The following SLC12A8 variants were observed in gnomAD, a reference collection of about 807,000 sequenced individuals.
SLC12A8 encodes the protein cation-chloride cotransporter 9.
Under a neutral mutation model 75.6 loss-of-function variants are expected in SLC12A8, and 69 were observed. That is an observed-to-expected ratio of 0.91 (90% CI 0.75 to 1.11). The LOEUF is 1.11. Among genes scored for constraint, SLC12A8 ranks in the 50% most tolerant of loss-of-function variants. The pLI is 0.00. For missense variants in SLC12A8, 877 were observed against 896.7 expected (o/e 0.98, Z 0.28); for synonymous variants, 365 against 372.8 (o/e 0.98, Z 0.24).
At chr3:125,142,612 T>C (rs1040389671) in intron 5 of SLC12A8, among the ~76,000 whole-genome samples, 1 of 152,220 alleles carries the variant, frequency 6.6e-6, no homozygotes, top group African/African-American at 2.4e-5. Context: ...GAGGACTCAC[T>C]GTGGGACTGT....
intron 5 of SLC12A8, among the ~76,000 whole-genome samples, chr3:125,169,559 G>A (rs573794713): frequency 2.4e-4 from 36 of 152,238 alleles, no homozygotes; most frequent in Non-Finnish European, 5.0e-4. Flanking sequence ...GGTGTGCCAG[G>A]GGAAAGCATC....
At chr3:125,152,693 T>C (rs1238385230) in intron 5 of SLC12A8, among the ~76,000 whole-genome samples, 2 of 152,132 alleles carry the variant, frequency 1.3e-5, no homozygotes, top group Non-Finnish European at 2.9e-5. Context: ...TTTCTAATCC[T>C]TTAAAAAACA....
chr3:125,182,655 C>T (rs1934690414), intron 4 of SLC12A8, among the ~76,000 whole-genome samples: 1 of 140,806 alleles, frequency 7.1e-6, no homozygotes, highest in Admixed American at 7.1e-5. Flanking sequence ...TACAGGTGTG[C>T]ATCACCACGC....
At chr3:125,114,979 G>A (rs1939273443) in intron 8 of SLC12A8, among the ~76,000 whole-genome samples, 1 of 152,130 alleles carries the variant, frequency 6.6e-6, no homozygotes, top group Non-Finnish European at 1.5e-5. Context: ...TATTAAATAT[G>A]GTGGATTTGT....
chr3:125,106,215 T>C (rs1939018649), intron 10 of SLC12A8, among the ~76,000 whole-genome samples: 1 of 152,156 alleles, frequency 6.6e-6, no homozygotes, highest in South Asian at 2.1e-4. Context: ...TAATATTATT[T>C]GGCTTATTAA....
At chr3:125,119,752 T>C in intron 7 of SLC12A8, 1 of 421,654 alleles carries the variant, frequency 2.4e-6, no homozygotes, top group South Asian at 1.7e-5. Context: ...ATTCAGTGTT[T>C]GTGAAACAGA....
Position 125,092,163 on chromosome 3 carries a change from C to T in SLC12A8, c.1741G>A (p.Val581Ile), listed in dbSNP as rs760264186. Residue 581 changes from valine to isoleucine, a missense_variant, in exon 11 of 14, where the codon GTC becomes ATC. Val to Ile is a conservative substitution (Grantham distance 29). Transcript: ENST00000469902. ...FLKSRLQEQD[V>I]WRRSTSFYTH... Reference sequence around the variant, plus strand: ...TAGAAAGAAGTGGATCTTCTCCAGACATCTTGTTCTTGGAGCCTGGACTTC... The same window carrying T: ...TAGAAAGAAGTGGATCTTCTCCAGATATCTTGTTCTTGGAGCCTGGACTTC... The T allele has an allele frequency of 6.2e-7, 1 of 1,613,014 alleles. No individual in the cohort carries two copies. Among genetic ancestry groups the T allele is most frequent in the Non-Finnish European group, 8.5e-7 (1 of 1,179,168 alleles).
intron 5 of SLC12A8, among the ~76,000 whole-genome samples, chr3:125,163,442 C>T (rs1396472710): frequency 7.0e-6 from 1 of 142,652 alleles, no homozygotes; most frequent in Non-Finnish European, 1.5e-5. Context: ...CCCGTCTCTA[C>T]TAAAAAAAAA....
At chr3:125,125,487 A>G (rs1933182698) in intron 6 of SLC12A8, among the ~76,000 whole-genome samples, 1 of 152,196 alleles carries the variant, frequency 6.6e-6, no homozygotes, top group African/African-American at 2.4e-5. Flanking sequence ...TGAATCTGGG[A>G]GGCGTAGGTT....
chr3:125,128,256 C>T (rs1226060510), intron 6 of SLC12A8, among the ~76,000 whole-genome samples: 1 of 143,496 alleles, frequency 7.0e-6, no homozygotes, highest in Non-Finnish European at 1.5e-5. Context: ...TCTCGGCTCA[C>T]TGCAAGCTCC....
At chr3:125,198,270 C>A (rs6794967) in intron 2 of SLC12A8, among the ~76,000 whole-genome samples, 112,161 of 137,440 alleles carry the variant, frequency 0.82, 44,568 homozygotes, top group East Asian at 0.93. Context: ...AAAAAAAAAA[C>A]AAAACAGTCA....
At position 125,091,495 on chromosome 3, in the gene SLC12A8, C is replaced by T. The variant is rs1938580139; in HGVS notation, c.1865G>A (p.Gly622Asp). The T allele has an allele frequency of 6.2e-7, 1 of 1,613,846 alleles. No homozygotes were observed. Among genetic ancestry groups the T allele is most frequent in the African/African-American group, 1.3e-5 (1 of 74,910 alleles). The change falls in exon 12 of 14, where the codon GGT becomes GAT. Residue 622 changes from glycine to aspartate, a missense_variant. Transcript: ENST00000469902. ...IQWVYTLVNM[G>D]VAAIVYFYIG... ...GTAGAAATACACGATGGCAGCAACA[C>T]CCATGTTAACCAGGGTATACACCCA...
intron 6 of SLC12A8, among the ~76,000 whole-genome samples, chr3:125,124,460 G>A (rs1454040848): frequency 2.0e-5 from 3 of 152,152 alleles, no homozygotes; most frequent in Non-Finnish European, 2.9e-5. Context: ...CCAAGTAGTT[G>A]GGATTATAGG....
intron 6 of SLC12A8, among the ~76,000 whole-genome samples, chr3:125,134,851 G>A (rs760631641): frequency 6.6e-6 from 1 of 152,246 alleles, no homozygotes; most frequent in African/African-American, 2.4e-5. Flanking sequence ...GGAAAGGAGA[G>A]AGAGACAAGG....
chr3:125,160,546 C>A (rs1934144458), intron 5 of SLC12A8, among the ~76,000 whole-genome samples: 1 of 152,242 alleles, frequency 6.6e-6, no homozygotes, highest in South Asian at 2.1e-4. Flanking sequence ...TCCTTCTCCT[C>A]ATGGCTTCCT....
At chr3:125,191,054 C>G (rs1452974920) in intron 2 of SLC12A8, among the ~76,000 whole-genome samples, 1 of 152,196 alleles carries the variant, frequency 6.6e-6, no homozygotes, top group Non-Finnish European at 1.5e-5. Context: ...CTTACTGAAG[C>G]GCTCTTTGCT....
intron 6 of SLC12A8, among the ~76,000 whole-genome samples, chr3:125,129,090 G>A (rs1013121067): frequency 5.3e-5 from 8 of 152,184 alleles, no homozygotes; most frequent in Admixed American, 2.0e-4. Flanking sequence ...ACATTTTTTC[G>A]TGCTGGGTGT....
At chr3:125,094,379 T>C (rs1938660665) in intron 10 of SLC12A8, among the ~76,000 whole-genome samples, 1 of 152,152 alleles carries the variant, frequency 6.6e-6, no homozygotes, top group Non-Finnish European at 1.5e-5. Context: ...CCTCCTACTC[T>C]CTGATAGAAC....
intron 6 of SLC12A8, among the ~76,000 whole-genome samples, chr3:125,129,458 T>A (rs544154602): frequency 1.3e-5 from 2 of 152,230 alleles, no homozygotes; most frequent in East Asian, 3.9e-4. Context: ...CAGGGTGTAA[T>A]GGAGAAGAGT....
Sources: gnomAD v4.1 joint callset for allele counts (sites outside exome capture counted in the v4.1 genomes callset) on GRCh38, gnomAD v4.1.1 for gene constraint, MANE v1.5 for transcripts, NCBI Gene and HGNC (gene_info 2026-07-23, HGNC 2026-07-21) for gene names.